OTOF: variants seen among roughly 807,000 people sequenced by gnomAD.
OTOF encodes the protein otoferlin.
In OTOF, 218 loss-of-function variants were observed where a neutral mutation model predicts 236.8. The observed-to-expected ratio is 0.92, with a 90% confidence interval of 0.82 to 1.03. The LOEUF (loss-of-function observed/expected upper bound fraction) is 1.03. Ranked by LOEUF, OTOF falls within the 50% of genes least tolerant of loss-of-function variation. The pLI, the probability that OTOF is intolerant of heterozygous loss-of-function variation, is 0.00. For synonymous variants in OTOF, 1,041 were observed against 1,072.5 expected, an observed-to-expected ratio of 0.97 and a Z score of 0.57; for missense variants, 2,590 against 2,694.4, an observed-to-expected ratio of 0.96 and a Z score of 0.86.
intron 1 of OTOF, among the ~76,000 whole-genome samples, chr2:26,554,428 G>A (rs938402930): frequency 1.3e-4 from 20 of 152,178 alleles, no homozygotes; most frequent in African/African-American, 3.9e-4. Context: ...CAGAAACCAT[G>A]TCTGATGTCT....
intron 9 of OTOF, among the ~76,000 whole-genome samples, chr2:26,492,445 T>G (rs974053432): frequency 6.6e-6 from 1 of 152,198 alleles, no homozygotes; most frequent in Non-Finnish European, 1.5e-5. Context: ...CATTTAAGAT[T>G]GTCCAAAGAT....
intron 2 of OTOF, among the ~76,000 whole-genome samples, chr2:26,535,339 G>A (rs1420187637): frequency 3.9e-5 from 6 of 152,206 alleles, no homozygotes; most frequent in Non-Finnish European, 7.3e-5. Context: ...GTCTGTGGAT[G>A]ATTTCGGAGA....
At chr2:26,515,769 T>G (rs1199350965) in intron 5 of OTOF, among the ~76,000 whole-genome samples, 1 of 152,212 alleles carries the variant, frequency 6.6e-6, no homozygotes, top group Non-Finnish European at 1.5e-5. Flanking sequence ...GCCCAGATTC[T>G]GTCCCCTTGG....
chr2:26,482,669 G>A (rs994794823), intron 13 of OTOF, 77 bp from the exon 14 acceptor site: 17 of 1,252,486 alleles, frequency 1.4e-5, no homozygotes, highest in African/African-American at 5.9e-5. Context: ...GTGAGTGGGC[G>A]CATGTGTGCG....
At chr2:26,538,450 T>C (rs1667130582) in intron 1 of OTOF, among the ~76,000 whole-genome samples, 1 of 152,072 alleles carries the variant, frequency 6.6e-6, no homozygotes, top group Non-Finnish European at 1.5e-5. Flanking sequence ...AAGTAGAGAG[T>C]GTGTGAGATG....
chr2:26,554,561 G>A (rs1667540166), intron 1 of OTOF, among the ~76,000 whole-genome samples: 1 of 152,168 alleles, frequency 6.6e-6, no homozygotes, highest in Non-Finnish European at 1.5e-5. Flanking sequence ...AGTACTTTGT[G>A]TGCAAAGTAC....
chr2:26,486,374 G>A (rs978027637), intron 11 of OTOF, among the ~76,000 whole-genome samples: 7 of 151,704 alleles, frequency 4.6e-5, no homozygotes, highest in African/African-American at 1.2e-4. Context: ...GGATTGGTGC[G>A]TGAATGGATG....
intron 1 of OTOF, among the ~76,000 whole-genome samples, chr2:26,542,004 AG>A (rs948605773): frequency 4.6e-5 from 7 of 152,204 alleles, no homozygotes. Context: ...CTGTGCTTAA[AG>A]TGTAACAAGT....
chr2:26,510,916 C>G (rs1171123404), intron 5 of OTOF, among the ~76,000 whole-genome samples: 2 of 152,202 alleles, frequency 1.3e-5, no homozygotes, highest in Admixed American at 1.3e-4. Context: ...CCTAGGTCTG[C>G]AGAAAAGGGG....
Position 26,482,457 on chromosome 2 carries a change from T to C in OTOF, c.1528A>G (p.Ile510Val). The stretch of plus-strand genomic sequence containing the variant: ...CGCAGGTCAATGAAGTGGGTGCCGA[T>C]GGCCACGTCGTTGACCTTGTCCGAG... The part of the protein sequence containing the change: ...RDSDKVNDVA[I>V]GTHFIDLRKI... Residue 510 changes from isoleucine to valine, a missense_variant, in exon 14 of 47, where the codon ATC (isoleucine) becomes GTC (valine). This residue lies in a region of OTOF where 1,379 missense variants were observed against 1,341.6 expected (regional missense o/e 1.03). Coordinates refer to ENST00000272371, the MANE Select transcript of OTOF (RefSeq NM_194248.3). 1 of 1,613,374 alleles carries C rather than the reference T, an allele frequency of 6.2e-7. No homozygotes were observed. Among genetic ancestry groups the C allele is most frequent in the Non-Finnish European group, 8.5e-7 (1 of 1,180,026 alleles).
rs758825885 is a variant in OTOF, at chr2:26,483,623, G to A, written c.1231C>T (p.Pro411Ser). 4.3e-6 allele frequency: 7 copies of A among 1,612,674 alleles called. No individual in the cohort carries two copies. The highest frequency in any genetic ancestry group is 5.1e-6 in the Non-Finnish European group (6 of 1,179,922). Residue 411 changes from proline to serine, a missense_variant, in exon 13 of 47, where the codon CCC becomes TCC. By Grantham distance (74) the Pro-to-Ser change is moderately conservative. Transcript: ENST00000272371. ...AACCGGGCCCACTGGCGTTCGGGGG[G>A]CACCCCCTCGGGGAGCAGCAAGTTC... ...EGNLLLPEGV[P>S]PERQWARFYV...
chr2:26,503,381 G>T (rs560664797), intron 6 of OTOF, among the ~76,000 whole-genome samples: 17 of 152,374 alleles, frequency 1.1e-4, no homozygotes, highest in African/African-American at 4.1e-4. Flanking sequence ...CTGCAGCCTG[G>T]TGAGAGCGCT....
At position 26,537,777 on chromosome 2, in the gene OTOF, G is replaced by A. The variant is rs1273141926; in HGVS notation, c.80-3C>T. 6.4e-7 allele frequency: 1 copy of A among 1,551,954 alleles called. No individual in the cohort carries two copies. Among genetic ancestry groups the A allele is most frequent in the Non-Finnish European group, 8.7e-7 (1 of 1,146,482 alleles). ...GACCCGAGAGTAGAAGGATTGCCCT[G>A]TGGGGAAAGAGGAAATAAATTCTAG... On this transcript the variant is annotated splice_polypyrimidine_tract_variant and splice_region_variant and intron_variant, in intron 1 of 46. Coordinates refer to ENST00000272371, the MANE Select transcript of OTOF (RefSeq NM_194248.3).
At chr2:26,554,993 A>G (rs553267512) in intron 1 of OTOF, among the ~76,000 whole-genome samples, 1 of 152,292 alleles carries the variant, frequency 6.6e-6, no homozygotes, top group Middle Eastern at 3.4e-3. Context: ...ACTGTCTGTC[A>G]CTTGGTTCCC....
In OTOF at chr2:26,476,915, GGCGCAGT is replaced by G; in HGVS notation, c.2645_2651del (p.Asp882AlafsTer116). On this transcript the variant is annotated frameshift_variant, in exon 22 of 47. Coordinates refer to ENST00000272371, the MANE Select transcript of OTOF (RefSeq NM_194248.3). LOFTEE classifies it high-confidence loss of function. ...CCTTAAGGAAGAGCGTCTTGACCTT[GGCGCAGT>G]CCTTGCCAGTCTCCTCCTCCACGAT... 6.2e-7 allele frequency: 1 copy of G among 1,610,668 alleles called. No individual in the cohort carries two copies. Among genetic ancestry groups the G allele is most frequent in the Non-Finnish European group, 8.5e-7 (1 of 1,179,616 alleles).
In OTOF at chr2:26,465,695, G is replaced by A. The variant is rs372324595; in HGVS notation, c.4776C>T (p.Cys1592=). ...ACGTGGAGTAGGTCTGGGCGATGCC[G>A]CAGGTGGCGCGGTGCTTGCTGTAGA... is the stretch of plus-strand genomic sequence containing the variant. ...NRFYSKHRAT[C]GIAQTYSTHG... Residue 1592 remains cysteine, a synonymous_variant, in exon 38 of 47, where the codon TGC becomes TGT. Coordinates refer to ENST00000272371, the MANE Select transcript of OTOF (RefSeq NM_194248.3). The A allele has an allele frequency of 2.0e-5, 32 of 1,614,156 alleles. No homozygotes were observed. The highest frequency in any genetic ancestry group is 1.5e-4 in the South Asian group (14 of 91,092).
intron 4 of OTOF, among the ~76,000 whole-genome samples, chr2:26,517,620 G>T (rs1666566998): frequency 6.6e-6 from 1 of 152,172 alleles, no homozygotes; most frequent in African/African-American, 2.4e-5. Context: ...GGACCCTCTT[G>T]GTGGAACCAA....
At chr2:26,534,727 G>A (rs1002459413) in intron 2 of OTOF, among the ~76,000 whole-genome samples, 4 of 152,202 alleles carry the variant, frequency 2.6e-5, no homozygotes, top group Admixed American at 6.5e-5. Flanking sequence ...TACAGAAGGG[G>A]AATCCAAAGC....
At chr2:26,503,050 G>A (rs896294187) in intron 6 of OTOF, among the ~76,000 whole-genome samples, 1 of 152,170 alleles carries the variant, frequency 6.6e-6, no homozygotes, top group Admixed American at 6.5e-5. Flanking sequence ...AGAAGGTGAA[G>A]GGCACGGCTG....
Sources: gnomAD v4.1 joint callset for allele counts (sites outside exome capture counted in the v4.1 genomes callset) on GRCh38, gnomAD v4.1.1 for gene constraint, gnomAD v4.1.1 regional missense constraint, MANE v1.5 for transcripts, NCBI Gene and HGNC (gene_info 2026-07-23, HGNC 2026-07-21) for gene names.